The following LEF1 variants were observed in gnomAD, a reference collection of about 807,000 sequenced individuals.
The protein encoded by LEF1 is lymphoid enhancer-binding factor 1.
LEF1 carries 14 observed loss-of-function variants against 51.2 expected under a neutral mutation model. That is an observed-to-expected ratio of 0.27 (90% CI 0.18 to 0.43). LEF1 has a LOEUF of 0.43. Ranked by LOEUF, LEF1 falls within the 20% of genes least tolerant of loss-of-function variation. The pLI is 1.00. For missense variants in LEF1, 386 were observed against 512.0 expected (o/e 0.75, Z 2.37); for synonymous variants, 185 against 183.2 (o/e 1.01, Z -0.08).
chr4:108,105,873 A>G (rs535212936), intron 3 of LEF1, among the ~76,000 whole-genome samples: 2 of 152,354 alleles, frequency 1.3e-5, no homozygotes, highest in South Asian at 4.1e-4. Context: ...AAAGTAATCA[A>G]GTGCAAAGCA....
At chr4:108,106,715 T>A (rs888223520) in intron 3 of LEF1, among the ~76,000 whole-genome samples, 1 of 152,148 alleles carries the variant, frequency 6.6e-6, no homozygotes, top group Admixed American at 6.5e-5. Context: ...AGACTACCTA[T>A]CCTGGATGAG....
At chr4:108,107,271 T>TTA (rs1174344203) in intron 3 of LEF1, among the ~76,000 whole-genome samples, 6 of 152,042 alleles carry the variant, frequency 3.9e-5, no homozygotes, top group African/African-American at 1.2e-4. Flanking sequence ...AAGGTGTTTT[T>TTA]TTTTTTTTCT....
chr4:108,060,979 T>C (rs1477616035), intron 11 of LEF1, among the ~76,000 whole-genome samples: 2 of 152,206 alleles, frequency 1.3e-5, no homozygotes, highest in African/African-American at 2.4e-5. Flanking sequence ...GAAATAATTA[T>C]CATGTCTAAT....
rs1369445878 is a variant in LEF1 at position 108,166,440 on chromosome 4, T to C, written c.213+1115A>G. 2.8e-6 allele frequency: 4 copies of C among 1,408,004 alleles called. No homozygotes were observed. The Admixed American group carries it at 9.2e-5, about 32-fold the overall frequency. 87.2% of individuals were successfully genotyped at this position (1,408,004 alleles called of 1,614,324 possible). ...AAGTTTCTTTGGAGGGAAAAGGCGTTGGTTAAATCATTCGGGTGTCAGGAC... is the reference window on the plus strand; with the variant it reads ...AAGTTTCTTTGGAGGGAAAAGGCGTCGGTTAAATCATTCGGGTGTCAGGAC... On this transcript the variant is annotated intron_variant, in intron 1 of 11. Transcript: ENST00000265165.
intron 3 of LEF1, among the ~76,000 whole-genome samples, chr4:108,107,445 T>G (rs1209083511): frequency 1.3e-5 from 2 of 152,112 alleles, no homozygotes; most frequent in East Asian, 3.8e-4. Flanking sequence ...CTCTTATGCT[T>G]TCCAAAATTT....
chr4:108,157,168 C>CTCTATA (rs1553960170), intron 3 of LEF1, among the ~76,000 whole-genome samples: 1 of 133,792 alleles, frequency 7.5e-6, no homozygotes. Flanking sequence ...CTCTCTCTCT[C>CTCTATA]TATATATATA....
chr4:108,092,936 A>C (rs895915416), intron 3 of LEF1, among the ~76,000 whole-genome samples: 4 of 149,030 alleles, frequency 2.7e-5, no homozygotes, highest in South Asian at 2.2e-4. Flanking sequence ...AAAAAAAAAA[A>C]AAAAAAAAAA....
chr4:108,099,352 T>C (rs1345538181), intron 3 of LEF1, among the ~76,000 whole-genome samples: 1 of 151,386 alleles, frequency 6.6e-6, no homozygotes, highest in African/African-American at 2.4e-5. Context: ...AACAAAAAAA[T>C]TGGCGTTTTT....
intron 4 of LEF1, among the ~76,000 whole-genome samples, chr4:108,085,173 C>CT (rs1241182425): frequency 1.3e-4 from 20 of 152,332 alleles, no homozygotes; most frequent in African/African-American, 4.6e-4. Context: ...ACCACAACCT[C>CT]TGCCTTCCGG....
intron 4 of LEF1, among the ~76,000 whole-genome samples, chr4:108,086,581 G>T (rs147055434): frequency 6.6e-6 from 1 of 152,222 alleles, no homozygotes; most frequent in East Asian, 1.9e-4. Flanking sequence ...TTATGTAATT[G>T]CTACTGTTTT....
intron 8 of LEF1, among the ~76,000 whole-genome samples, chr4:108,077,370 C>T (rs995821335): frequency 4.0e-5 from 6 of 151,014 alleles, no homozygotes; most frequent in Non-Finnish European, 5.9e-5. Context: ...GCCCGGCTGC[C>T]GCCCTGTCTG....
intron 6 of LEF1, among the ~76,000 whole-genome samples, chr4:108,080,506 A>C (rs780096725): frequency 6.6e-6 from 1 of 152,216 alleles, no homozygotes; most frequent in South Asian, 2.1e-4. Context: ...ATATTTTTCA[A>C]AAACAAATTT....
At chr4:108,060,654 C>T (rs1408135273) in intron 11 of LEF1, among the ~76,000 whole-genome samples, 1 of 152,088 alleles carries the variant, frequency 6.6e-6, no homozygotes, top group Non-Finnish European at 1.5e-5. Context: ...AGTGCCACCT[C>T]CTCGGAGGTG....
intron 3 of LEF1, among the ~76,000 whole-genome samples, chr4:108,129,373 G>C (rs1742729073): frequency 6.6e-6 from 1 of 152,092 alleles, no homozygotes; most frequent in African/African-American, 2.4e-5. Flanking sequence ...AAGAGCACTG[G>C]AATTCCAAAG....
intron 3 of LEF1, among the ~76,000 whole-genome samples, chr4:108,144,302 A>G (rs1743858641): frequency 6.6e-6 from 1 of 152,188 alleles, no homozygotes; most frequent in Admixed American, 6.5e-5. Context: ...TCCTTTGGTT[A>G]TTCCTTCAGT....
chr4:108,132,006 C>A (rs1407085445), intron 3 of LEF1, among the ~76,000 whole-genome samples: 1 of 152,108 alleles, frequency 6.6e-6, no homozygotes, highest in Non-Finnish European at 1.5e-5. Context: ...TTTTTATTGA[C>A]AATTTGGATG....
chr4:108,121,068 T>G (rs1742149191), intron 3 of LEF1, among the ~76,000 whole-genome samples: 1 of 152,226 alleles, frequency 6.6e-6, no homozygotes, highest in African/African-American at 2.4e-5. Flanking sequence ...AAGTGCTTTA[T>G]ATGTACTTCC....
intron 3 of LEF1, among the ~76,000 whole-genome samples, chr4:108,149,920 A>G (rs1744261791): frequency 6.6e-6 from 1 of 151,590 alleles, no homozygotes; most frequent in Non-Finnish European, 1.5e-5. Context: ...CTGTTCTTTC[A>G]TGGGTTTTCC....
At chr4:108,095,518 C>G (rs1372425980) in intron 3 of LEF1, among the ~76,000 whole-genome samples, 1 of 152,120 alleles carries the variant, frequency 6.6e-6, no homozygotes, top group Non-Finnish European at 1.5e-5. Context: ...ATCTCTATTC[C>G]AAACTACCCC....
Sources: gnomAD v4.1 joint callset for allele counts (sites outside exome capture counted in the v4.1 genomes callset) on GRCh38, gnomAD v4.1.1 for gene constraint, MANE v1.5 for transcripts, NCBI Gene and HGNC (gene_info 2026-07-23, HGNC 2026-07-21) for gene names.